Variants in CRTAM observed in about 807,000 individuals in gnomAD.
CRTAM encodes the protein cytotoxic and regulatory T cell molecule, also known as cytotoxic and regulatory T-cell molecule.
A neutral mutation model predicts 50.0 loss-of-function variants in CRTAM; 44 were observed. The observed-to-expected ratio is 0.88, with a 90% CI of 0.69 to 1.13. CRTAM has a LOEUF of 1.13. CRTAM is among the 50% of genes most tolerant of loss of function. The pLI, the probability that CRTAM is intolerant of heterozygous loss-of-function variation, is 0.00. For synonymous variants in CRTAM, 159 were observed against 169.3 expected (o/e 0.94, Z 0.47); for missense variants, 448 against 457.5 (o/e 0.98, Z 0.19).
chr11:122,870,849 C>T (rs768393044), intron 9 of CRTAM, among the ~76,000 whole-genome samples: 32 of 152,034 alleles, frequency 2.1e-4, no homozygotes, highest in South Asian at 4.2e-4. Context: ...GAGGCTGAGG[C>T]GGGTGGATCA....
At chr11:122,865,384 G>A (rs569151180) in intron 7 of CRTAM, among the ~76,000 whole-genome samples, 2 of 151,064 alleles carry the variant, frequency 1.3e-5, no homozygotes, top group South Asian at 4.2e-4. Flanking sequence ...GATGGTTCCT[G>A]TTGCCACTAG....
chr11:122,842,525 C>T (rs1211008753), intron 1 of CRTAM, among the ~76,000 whole-genome samples: 2 of 152,108 alleles, frequency 1.3e-5, no homozygotes, highest in East Asian at 3.9e-4. Context: ...GAGATCCACC[C>T]GCCTCGGCCT....
chr11:122,870,879 G>A (rs1181868672), intron 9 of CRTAM, among the ~76,000 whole-genome samples: 1 of 152,134 alleles, frequency 6.6e-6, no homozygotes, highest in Non-Finnish European at 1.5e-5. Context: ...AGGTGTTTGA[G>A]ACCAGCCTAG....
chr11:122,861,359 T>TAC (rs1250174187), intron 5 of CRTAM, among the ~76,000 whole-genome samples: 2 of 139,222 alleles, frequency 1.4e-5, no homozygotes, highest in Non-Finnish European at 3.1e-5. Context: ...TATATATATA[T>TAC]ATACACACAC....
chr11:122,842,646 A>G (rs914632361), intron 1 of CRTAM, among the ~76,000 whole-genome samples: 2 of 152,210 alleles, frequency 1.3e-5, no homozygotes, highest in African/African-American at 4.8e-5. Context: ...GAGAAGAGAG[A>G]CTAGAACTAA....
intron 2 of CRTAM, among the ~76,000 whole-genome samples, chr11:122,850,974 C>T (rs1861922214): frequency 6.6e-6 from 1 of 152,302 alleles, no homozygotes; most frequent in South Asian, 2.1e-4. Flanking sequence ...TAAAGCATAT[C>T]ATGCTGGCTG....
At chr11:122,853,479 A>C (rs548533599) in intron 3 of CRTAM, among the ~76,000 whole-genome samples, 1 of 152,160 alleles carries the variant, frequency 6.6e-6, no homozygotes, top group Non-Finnish European at 1.5e-5. Flanking sequence ...GTAGCTTTGC[A>C]AGCACATGAA....
intron 4 of CRTAM, among the ~76,000 whole-genome samples, chr11:122,855,475 T>C (rs2135241336): frequency 6.6e-6 from 1 of 152,330 alleles, no homozygotes; most frequent in African/African-American, 2.4e-5. Flanking sequence ...GCTTTGAATT[T>C]TTTTTTCCAG....
chr11:122,870,372 C>T (rs971931987), intron 9 of CRTAM, among the ~76,000 whole-genome samples: 6 of 152,202 alleles, frequency 3.9e-5, no homozygotes, highest in South Asian at 2.1e-4. Context: ...TGAGCCACCA[C>T]GCCCAGCCAA....
intron 1 of CRTAM, among the ~76,000 whole-genome samples, chr11:122,846,520 C>T (rs982591505): frequency 7.2e-5 from 11 of 152,068 alleles, no homozygotes; most frequent in African/African-American, 2.4e-4. Context: ...AACTCCTGAC[C>T]TCAGGTGATC....
At chr11:122,861,115 C>G (rs1475740212) in intron 5 of CRTAM, among the ~76,000 whole-genome samples, 1 of 152,094 alleles carries the variant, frequency 6.6e-6, no homozygotes, top group African/African-American at 2.4e-5. Flanking sequence ...CCTGTGTGGT[C>G]AGAGTTCATT....
chr11:122,849,455 C>T (rs1166777651), intron 1 of CRTAM, among the ~76,000 whole-genome samples: 1 of 152,188 alleles, frequency 6.6e-6, no homozygotes, highest in Non-Finnish European at 1.5e-5. Flanking sequence ...GGTGCTGTGG[C>T]TCACACCTGT....
intron 2 of CRTAM, among the ~76,000 whole-genome samples, chr11:122,851,083 T>G (rs1861923891): frequency 6.6e-6 from 1 of 152,046 alleles, no homozygotes; most frequent in Admixed American, 6.6e-5. Context: ...GCCAATATTA[T>G]GAAACCCTGT....
intron 2 of CRTAM, 135 bp downstream of exon 2, chr11:122,850,349 A>T (rs1861915617): frequency 1.3e-6 from 1 of 787,242 alleles, no homozygotes; most frequent in Non-Finnish European, 1.9e-6. Flanking sequence ...GTTACACATG[A>T]ATCACGCCTC....
rs557795281 is a variant in CRTAM at position 122,861,791 on chromosome 11, T to C, written c.653-673T>C. 2.0e-5 allele frequency among the ~76,000 whole-genome samples: 3 copies of C among 152,190 alleles called. No homozygotes were observed. In the East Asian group the frequency reaches 5.8e-4, roughly 30 times the overall value. The stretch of plus-strand genomic sequence containing the variant: ...AGTGACAGGCACAGTTATTACATGC[T>C]TCCTGGATGTGGCTGGTAAAACCTG... On this transcript the variant is annotated intron_variant, in intron 5 of 9. Transcript: ENST00000227348.
At chr11:122,861,386 GTATATATATATATATA>G (rs71057304) in intron 5 of CRTAM, among the ~76,000 whole-genome samples, 56 of 41,826 alleles carry the variant, frequency 1.3e-3, no homozygotes, top group Middle Eastern at 0.025. Context: ...ATACATATAC[GTATATATATATATATA>G]TATATATATA....
intron 5 of CRTAM, among the ~76,000 whole-genome samples, chr11:122,861,976 C>T (rs1275411746): frequency 6.6e-6 from 1 of 152,026 alleles, no homozygotes; most frequent in Non-Finnish European, 1.5e-5. Context: ...ACAAAACACT[C>T]GAAGAGGTAA....
intron 5 of CRTAM, 99 bp from the exon 6 acceptor site, chr11:122,862,365 A>T: frequency 1.3e-6 from 1 of 779,216 alleles, no homozygotes; most frequent in Non-Finnish European, 2.3e-6. Flanking sequence ...CTCTACAAGC[A>T]GGTAGCCGCT....
chr11:122,853,888 G>A, intron 3 of CRTAM, 55 bp from the exon 4 acceptor site: 2 of 1,526,282 alleles, frequency 1.3e-6, no homozygotes, highest in African/African-American at 1.4e-5. Context: ...TCTGTGCTTT[G>A]TTGAGATATG....
Sources: allele counts gnomAD v4.1 joint callset (sites outside exome capture counted in the v4.1 genomes callset), GRCh38; gene constraint gnomAD v4.1.1; transcripts MANE v1.5; gene names NCBI Gene and HGNC (gene_info 2026-07-23, HGNC 2026-07-21).